Variants in NCBP3 observed in about 807,000 individuals in gnomAD.
NCBP3 encodes nuclear cap-binding protein subunit 3.
NCBP3 carries 20 observed loss-of-function variants against 75.7 expected under a neutral mutation model. The ratio of observed to expected loss-of-function variants is 0.26; its 90% confidence interval spans 0.19 to 0.38. NCBP3 has a LOEUF of 0.38. NCBP3 is among the 10% of genes least tolerant of loss of function. The pLI, the probability that NCBP3 is intolerant of heterozygous loss-of-function variation, is 1.00. For missense variants in NCBP3, 678 were observed against 796.9 expected (o/e 0.85, Z 1.80); for synonymous variants, 293 against 290.5 (o/e 1.01, Z -0.09).
chr17:3,818,128 G>T lies in NCBP3; in HGVS notation c.1310+135C>A. ...CACTGCTTGTATAGAGGAAATACTG[G>T]ATGCGTTTATTAAACTCCTACAAGG... is the stretch of plus-strand genomic sequence containing the variant. On this transcript the variant is annotated intron_variant, in intron 10 of 12. Transcript: ENST00000389005. The surrounding 1 kb of genome is among the most constrained non-coding windows in gnomAD (Gnocchi z 4.7). 1 of 713,498 alleles carries T rather than the reference G, an allele frequency of 1.4e-6. No homozygotes were observed. The highest frequency in any genetic ancestry group is 2.2e-6 in the Non-Finnish European group (1 of 461,106). 44.2% of individuals were successfully genotyped at this position (713,498 alleles called of 1,614,324 possible).
At chr17:3,842,826 C>A (rs1597417530) in intron 2 of NCBP3, among the ~76,000 whole-genome samples, 3 of 152,190 alleles carry the variant, frequency 2.0e-5, no homozygotes, top group Admixed American at 2.0e-4. Flanking sequence ...TTGTATCTTT[C>A]GTAGAGACGG....
At chr17:3,816,010 G>T in intron 11 of NCBP3, 106 bp downstream of exon 11, 1 of 1,090,968 alleles carries the variant, frequency 9.2e-7, no homozygotes, top group Non-Finnish European at 1.3e-6. Context: ...AACCAGGACA[G>T]CTAAATCAGT....
chr17:3,826,923 T>C (rs1194824198), intron 4 of NCBP3, among the ~76,000 whole-genome samples: 3 of 144,460 alleles, frequency 2.1e-5, no homozygotes, highest in African/African-American at 7.5e-5. Flanking sequence ...TGAGGCAGAA[T>C]GGCGTGAACC....
At chr17:3,814,223 C>T (rs1006122925) in intron 12 of NCBP3, 99 bp downstream of exon 12, 4 of 1,228,602 alleles carry the variant, frequency 3.3e-6, no homozygotes, top group Non-Finnish European at 4.6e-6. Flanking sequence ...TTGGCGTGGG[C>T]TGTTTCTTGC....
rs1402744067 is a variant in NCBP3, at chr17:3,806,783, A to C, written c.*6261T>G. On this transcript the variant is annotated 3_prime_UTR_variant, in exon 13 of 13. Coordinates refer to ENST00000389005, the MANE Select transcript of NCBP3 (RefSeq NM_001114118.3). Reference sequence around the variant, plus strand: ...AAGATTTATTTTATAAACATGTAAGAAAAGTTGTAGATATTTATTGTGGGT... The same window carrying C: ...AAGATTTATTTTATAAACATGTAAGCAAAGTTGTAGATATTTATTGTGGGT... The C allele has an allele frequency of 1.3e-5, 2 of 152,036 alleles. No homozygotes were observed. The highest frequency in any genetic ancestry group is 4.8e-5 in the African/African-American group (2 of 41,426). 9.4% of individuals were successfully genotyped at this position (152,036 alleles called of 1,614,324 possible). A position where few individuals can be genotyped will look rare whatever the true frequency, so the allele number is the denominator to read the frequency against.
In NCBP3 at chr17:3,809,819, C is replaced by G. The variant is rs2053382376; in HGVS notation, c.*3225G>C. On this transcript the variant is annotated 3_prime_UTR_variant, in exon 13 of 13. Coordinates refer to ENST00000389005, the MANE Select transcript of NCBP3 (RefSeq NM_001114118.3). The stretch of plus-strand genomic sequence containing the variant: ...AAAGGTGGCATACCCATAAAATGGA[C>G]TATTATTTGGCAATTTTAAAAAATG... 1 of 152,072 alleles carries G rather than the reference C, an allele frequency of 6.6e-6. No homozygotes were observed. Among genetic ancestry groups the G allele is most frequent in the African/African-American group, 2.4e-5 (1 of 41,402 alleles). 9.4% of individuals were successfully genotyped at this position (152,072 alleles called of 1,614,324 possible).
intron 3 of NCBP3, 84 bp downstream of exon 3, chr17:3,840,016 G>A (rs778099562): frequency 5.6e-6 from 6 of 1,069,594 alleles, no homozygotes; most frequent in Non-Finnish European, 8.4e-6. Flanking sequence ...GACACGCAAG[G>A]CAAGGCCAGA....
In NCBP3 at chr17:3,812,955, C is replaced by A; in HGVS notation, c.*89G>T. On this transcript the variant is annotated 3_prime_UTR_variant, in exon 13 of 13. Transcript: ENST00000389005. ...CTGTGTGAGCAGGAGCGAGAGGGCG[C>A]CAGCTCCTGCGGGGGAGGTTCCTAC... 2 of 1,568,252 alleles carry A rather than the reference C, an allele frequency of 1.3e-6. No homozygotes were observed. Among genetic ancestry groups the A allele is most frequent in the South Asian group, 1.2e-5 (1 of 83,748 alleles).
Position 3,806,086 on chromosome 17 carries a change from C to CTTTCTTTTTTT in NCBP3, c.*6957_*6958insAAAAAAAGAAA, listed in dbSNP as rs1555530125. 22 of 148,578 alleles carry CTTTCTTTTTTT rather than the reference C, an allele frequency of 1.5e-4. No homozygotes were observed. The highest frequency in any genetic ancestry group is 5.5e-4 in the African/African-American group (22 of 39,668). The allele number at this position is 148,578 out of a possible 1,614,324, so 9.2% of individuals were successfully genotyped here. A position where few individuals can be genotyped will look rare whatever the true frequency, so the allele number is the denominator to read the frequency against. ...AGGGACAGGAAGGTGAGAATCCTTT[C>CTTTCTTTTTTT]TTTTTTTTTTGAGACGGAGTCTCGC... On this transcript the variant is annotated 3_prime_UTR_variant, in exon 13 of 13. Transcript: ENST00000389005.
intron 3 of NCBP3, among the ~76,000 whole-genome samples, chr17:3,829,854 T>C (rs2053847603): frequency 6.6e-6 from 1 of 151,618 alleles, no homozygotes. Context: ...CAACCCAAAA[T>C]AAAAATGGGC....
chr17:3,809,919 T>C lies in NCBP3; in HGVS notation c.*3125A>G, dbSNP rs908007746. 5 of 152,118 alleles carry C rather than the reference T, an allele frequency of 3.3e-5. No homozygotes were observed. The highest frequency in any genetic ancestry group is 5.9e-5 in the Non-Finnish European group (4 of 68,024). 9.4% of individuals were successfully genotyped at this position (152,118 alleles called of 1,614,324 possible). ...AAGCCAGTCACAAATAGACACATAG[T>C]ATATGATCCCATTTATATGAACTAT... On this transcript the variant is annotated 3_prime_UTR_variant, in exon 13 of 13. Transcript: ENST00000389005.
chr17:3,822,514 C>A (rs2053687524), intron 7 of NCBP3: 1 of 153,542 alleles, frequency 6.5e-6, no homozygotes, highest in African/African-American at 2.4e-5. Context: ...TTTGGTAAAT[C>A]ATTTTTCCAG....
chr17:3,823,942 TCAGA>T (rs2053720915), intron 7 of NCBP3: 1 of 152,114 alleles, frequency 6.6e-6, no homozygotes, highest in African/African-American at 2.4e-5. Context: ...GGAGGAATCA[TCAGA>T]CAAACCCAAA....
chr17:3,828,027 T>C (rs2053817782), intron 4 of NCBP3, among the ~76,000 whole-genome samples: 2 of 152,216 alleles, frequency 1.3e-5, no homozygotes, highest in Non-Finnish European at 2.9e-5. Context: ...CAAGCAATTC[T>C]CCTGCCTCAG....
chr17:3,802,238 T>C lies in NCBP3; in HGVS notation c.*10806A>G, dbSNP rs1207045431. Reference sequence around the variant, plus strand: ...ATTCCAAGGCTCTCTAACACGAGTGTCTGCAGCCCCATTCGCTTTGAGATG... The same window carrying C: ...ATTCCAAGGCTCTCTAACACGAGTGCCTGCAGCCCCATTCGCTTTGAGATG... On this transcript the variant is annotated 3_prime_UTR_variant, in exon 13 of 13. Transcript: ENST00000389005. The C allele has an allele frequency of 1.3e-5, 2 of 152,166 alleles. No homozygotes were observed. Among genetic ancestry groups the C allele is most frequent in the African/African-American group, 4.8e-5 (2 of 41,458 alleles). 9.4% of individuals were successfully genotyped at this position (152,166 alleles called of 1,614,324 possible).
At position 3,843,536 on chromosome 17, in the gene NCBP3, GTTCT is replaced by G. The variant is rs1390302510; in HGVS notation, c.184-389_184-386del. Reference sequence around the variant, plus strand: ...TGTGTGAGTCATCACAACCAGTCTGGTTCTTTCTGTTTTTCTGTTTGTTTTTTGA... The same window carrying G: ...TGTGTGAGTCATCACAACCAGTCTGGTTCTGTTTTTCTGTTTGTTTTTTGA... On this transcript the variant is annotated intron_variant, in intron 1 of 12. Coordinates refer to ENST00000389005, the MANE Select transcript of NCBP3 (RefSeq NM_001114118.3). 3.3e-5 allele frequency among the ~76,000 whole-genome samples: 5 copies of G among 152,136 alleles called. No individual in the cohort carries two copies. In the South Asian group the frequency reaches 6.2e-4, roughly 19 times the overall value.
rs1224178118 is a variant in NCBP3 at position 3,812,154 on chromosome 17, G to C, written c.*890C>G. 1 of 152,086 alleles carries C rather than the reference G, an allele frequency of 6.6e-6. No individual in the cohort carries two copies. Among genetic ancestry groups the C allele is most frequent in the Admixed American group, 6.6e-5 (1 of 15,262 alleles). The allele number at this position is 152,086 out of a possible 1,614,324, so 9.4% of individuals were successfully genotyped here. A position where few individuals can be genotyped will look rare whatever the true frequency, so the allele number is the denominator to read the frequency against. On this transcript the variant is annotated 3_prime_UTR_variant, in exon 13 of 13. Coordinates refer to ENST00000389005, the MANE Select transcript of NCBP3 (RefSeq NM_001114118.3). ...ACTCCTCTCTCTGCCTTCTTCCAAA[G>C]AATAGAATATATATTTAACAGCACA...
In NCBP3 at chr17:3,812,942, G is replaced by A. The variant is rs1289139021; in HGVS notation, c.*102C>T. The A allele has an allele frequency of 9.0e-6, 14 of 1,548,454 alleles. No individual in the cohort carries two copies. Among genetic ancestry groups the A allele is most frequent in the Non-Finnish European group, 1.2e-5 (14 of 1,150,374 alleles). Reference sequence around the variant, plus strand: ...GAGCGGAGGGTGACTGTGTGAGCAGGAGCGAGAGGGCGCCAGCTCCTGCGG... The same window carrying A: ...GAGCGGAGGGTGACTGTGTGAGCAGAAGCGAGAGGGCGCCAGCTCCTGCGG... On this transcript the variant is annotated 3_prime_UTR_variant, in exon 13 of 13. Coordinates refer to ENST00000389005, the MANE Select transcript of NCBP3 (RefSeq NM_001114118.3).
At position 3,841,918 on chromosome 17, in the gene NCBP3, C is replaced by T. The variant is rs7216799; in HGVS notation, c.249+1168G>A. Among the ~76,000 whole-genome samples the T allele has an allele frequency of 9.0e-3, 1,360 of 151,434 alleles. 20 individuals carry two copies. The highest frequency in any genetic ancestry group is 0.031 in the African/African-American group (1,283 of 41,276). ...TATGTATTCAATACAGCAATATATA[C>T]TATTATTCAGAAATGTAATACAAAA... is the stretch of plus-strand genomic sequence containing the variant. On this transcript the variant is annotated intron_variant, in intron 2 of 12. Transcript: ENST00000389005.
Sources: gnomAD v4.1 joint callset for allele counts (sites outside exome capture counted in the v4.1 genomes callset) on GRCh38, gnomAD v4.1.1 for gene constraint, Gnocchi (gnomAD v3.1) non-coding constraint, MANE v1.5 for transcripts, NCBI Gene and HGNC (gene_info 2026-07-23, HGNC 2026-07-21) for gene names.